Variants in ITSN1 observed in about 807,000 individuals in gnomAD.
The protein encoded by ITSN1 is intersectin 1, also known as intersectin-1.
A neutral mutation model predicts 239.8 loss-of-function variants in ITSN1; 58 were observed. The observed-to-expected ratio is 0.24, with a 90% CI of 0.20 to 0.30. ITSN1 has a LOEUF of 0.30. Ranked by LOEUF, ITSN1 falls within the 10% of genes least tolerant of loss-of-function variation. The probability of loss-of-function intolerance (pLI) is 1.00; values close to 1 mark genes in which losing one functional copy is unlikely to be tolerated. For synonymous variants in ITSN1, 780 were observed against 770.8 expected (o/e 1.01, Z -0.20); for missense variants, 1,558 against 2,103.3 (o/e 0.74, Z 5.07).
intron 1 of ITSN1, among the ~76,000 whole-genome samples, chr21:33,718,291 G>A (rs1487347470): frequency 6.6e-6 from 1 of 152,150 alleles, no homozygotes; most frequent in Non-Finnish European, 1.5e-5. Context: ...GGTAATTATA[G>A]ATGGTTAAGA....
chr21:33,741,138 G>A (rs1173722994), intron 5 of ITSN1, among the ~76,000 whole-genome samples: 2 of 152,132 alleles, frequency 1.3e-5, no homozygotes, highest in Non-Finnish European at 2.9e-5. Flanking sequence ...GTGTCTTGAA[G>A]GTTAACTGGT....
At chr21:33,695,640 G>A (rs1460488858) in intron 1 of ITSN1, among the ~76,000 whole-genome samples, 1 of 152,162 alleles carries the variant, frequency 6.6e-6, no homozygotes, top group Non-Finnish European at 1.5e-5. Context: ...GAGTATAAGT[G>A]GGCCTTTAGA....
chr21:33,825,769 G>A (rs1878257899), intron 25 of ITSN1, among the ~76,000 whole-genome samples: 1 of 152,146 alleles, frequency 6.6e-6, no homozygotes, highest in African/African-American at 2.4e-5. Flanking sequence ...AATAGTGAGA[G>A]ATTGCTTTTG....
chr21:33,654,468 G>A (rs186523287), intron 1 of ITSN1, among the ~76,000 whole-genome samples: 1 of 152,148 alleles, frequency 6.6e-6, no homozygotes, highest in East Asian at 1.9e-4. Context: ...TATGAGACAA[G>A]GTACAAAGCT....
At position 33,769,782 on chromosome 21, in the gene ITSN1, G is replaced by A. The variant is rs374932079; in HGVS notation, c.1042+1954G>A. 7.3e-4 allele frequency among the ~76,000 whole-genome samples: 110 copies of A among 151,228 alleles called. 2 individuals carry two copies. The South Asian group carries it at 8.5e-3, about 12-fold the overall frequency. Reference sequence around the variant, plus strand: ...GTAATCTCGGCTCACTGCAGCCTCCGCCTCCTGGGTTCTAGCGATTCTCCT... The same window carrying A: ...GTAATCTCGGCTCACTGCAGCCTCCACCTCCTGGGTTCTAGCGATTCTCCT... On this transcript the variant is annotated intron_variant, in intron 11 of 39. Coordinates refer to ENST00000381318, the MANE Select transcript of ITSN1 (RefSeq NM_003024.3).
At chr21:33,883,794 A>T in intron 36 of ITSN1, 123 bp downstream of exon 36, 6 of 1,072,378 alleles carry the variant, frequency 5.6e-6, no homozygotes, top group Non-Finnish European at 6.5e-6. Context: ...CCTAGCTGGG[A>T]GTGGGGATGG....
intron 27 of ITSN1, among the ~76,000 whole-genome samples, chr21:33,830,683 A>G (rs972849333): frequency 5.9e-5 from 9 of 152,218 alleles, no homozygotes; most frequent in Non-Finnish European, 1.3e-4. Flanking sequence ...TGTCAAGGAC[A>G]TTTTTGGGAT....
At chr21:33,767,516 C>CA (rs1337289620) in intron 10 of ITSN1, among the ~76,000 whole-genome samples, 197 bp from the exon 11 acceptor site, 1 of 152,198 alleles carries the variant, frequency 6.6e-6, no homozygotes, top group African/African-American at 2.4e-5. Flanking sequence ...GCTTGGCACT[C>CA]AGAGTCTGAT....
chr21:33,730,026 CT>C (rs1569042131), intron 4 of ITSN1, among the ~76,000 whole-genome samples: 1 of 151,886 alleles, frequency 6.6e-6, no homozygotes, highest in African/African-American at 2.4e-5. Context: ...TTGGACTAGG[CT>C]TTTTTTTCTA....
At chr21:33,818,675 A>T (rs577922553) in intron 23 of ITSN1, among the ~76,000 whole-genome samples, 1 of 152,164 alleles carries the variant, frequency 6.6e-6, no homozygotes, top group Non-Finnish European at 1.5e-5. Context: ...ATGAAAACCT[A>T]TGTGCCTTGT....
chr21:33,883,666 T>C lies in ITSN1; in HGVS notation c.4671T>C (p.Asn1557=), dbSNP rs1985298027. The stretch of plus-strand genomic sequence containing the variant: ...ATACTCTCCGAGCAGAAAGCATAAA[T>C]GAAAGGTGAGACCTGCCGCCTCCCC... ...RVYTLRAESI[N]ERTAWVQKIK... Residue 1557 remains asparagine (N), a synonymous_variant, in exon 36 of 40, where the codon AAT becomes AAC. Coordinates refer to ENST00000381318, the MANE Select transcript of ITSN1 (RefSeq NM_003024.3). 3 of 1,613,054 alleles carry C rather than the reference T, an allele frequency of 1.9e-6. No homozygotes were observed. Among genetic ancestry groups the C allele is most frequent in the Non-Finnish European group, 2.5e-6 (3 of 1,179,298 alleles).
chr21:33,721,575 C>A (rs917827018), intron 3 of ITSN1, among the ~76,000 whole-genome samples: 3 of 151,896 alleles, frequency 2.0e-5, no homozygotes, highest in Non-Finnish European at 4.4e-5. Context: ...GTGGGCAGAT[C>A]CCTTGAGGTC....
intron 1 of ITSN1, among the ~76,000 whole-genome samples, chr21:33,666,606 AGTT>A (rs970136483): frequency 6.6e-6 from 1 of 152,188 alleles, no homozygotes. Flanking sequence ...AATATATCGT[AGTT>A]GTTTTATTCT....
rs2092228544 is a variant in ITSN1, at chr21:33,705,744, T to C, written c.-32-13053T>C. ...TTTAACATTTGAAAATTTTGCTTAATCTAAAATATACTCCAGAAGTTTAAA... is the reference window on the plus strand; with the variant it reads ...TTTAACATTTGAAAATTTTGCTTAACCTAAAATATACTCCAGAAGTTTAAA... On this transcript the variant is annotated intron_variant, in intron 1 of 39. Coordinates refer to ENST00000381318, the MANE Select transcript of ITSN1 (RefSeq NM_003024.3). Among the ~76,000 whole-genome samples the C allele has an allele frequency of 1.3e-5, 2 of 152,124 alleles. 1 individual carries two copies. The highest frequency in any genetic ancestry group is 4.1e-4 in the South Asian group (2 of 4,830).
chr21:33,793,618 C>T (rs551177205), intron 16 of ITSN1, among the ~76,000 whole-genome samples: 1 of 152,238 alleles, frequency 6.6e-6, no homozygotes, highest in African/African-American at 2.4e-5. Flanking sequence ...CAGTAGCCTG[C>T]TAAGGAAATT....
intron 1 of ITSN1, among the ~76,000 whole-genome samples, chr21:33,694,000 A>G (rs1216265192): frequency 5.3e-5 from 8 of 152,158 alleles, no homozygotes. Context: ...TTTAATTGTC[A>G]TATATTTCAT....
At position 33,813,927 on chromosome 21, in the gene ITSN1, C is replaced by T. The variant is rs781452040; in HGVS notation, c.2582C>T (p.Thr861Met). 61 of 1,613,374 alleles carry T rather than the reference C, an allele frequency of 3.8e-5. No individual in the cohort carries two copies. In the Middle Eastern group the frequency reaches 6.6e-4, roughly 17 times the overall value. ...ADFSSTWPTS[T>M]NEKPETDNWD... ...TTTCCCTCCAGGTGGCCCACCAGCA[C>T]GAATGAGAAACCAGAAACGGATAAC... is the stretch of plus-strand genomic sequence containing the variant. Residue 861 changes from threonine to methionine, a missense_variant, in exon 22 of 40, where the codon ACG (threonine) becomes ATG (methionine). By Grantham distance (81) the Thr-to-Met change is moderately conservative. This residue lies in a region of ITSN1 where 982 missense variants were observed against 1,209.9 expected (regional missense o/e 0.81). Transcript: ENST00000381318.
chr21:33,700,384 C>G (rs1281326717), intron 1 of ITSN1, among the ~76,000 whole-genome samples: 1 of 152,048 alleles, frequency 6.6e-6, no homozygotes, highest in Non-Finnish European at 1.5e-5. Flanking sequence ...CGCACTTGGC[C>G]CTGAATTGTT....
At position 33,761,996 on chromosome 21, in the gene ITSN1, GA is replaced by G; in HGVS notation, c.788+14del. 6.2e-7 allele frequency: 1 copy of G among 1,604,172 alleles called. No individual in the cohort carries two copies. The highest frequency in any genetic ancestry group is 1.1e-5 in the South Asian group (1 of 90,842). ...AGCTGGCTTCAATATGGTAAGGAATGAAAAGTTCTTTGGTTTGGATAAAGTG... is the reference window on the plus strand; with the variant it reads ...AGCTGGCTTCAATATGGTAAGGAATGAAAGTTCTTTGGTTTGGATAAAGTG... On this transcript the variant is annotated intron_variant, in intron 9 of 39. Transcript: ENST00000381318.
Sources: allele counts gnomAD v4.1 joint callset (sites outside exome capture counted in the v4.1 genomes callset), GRCh38; gene constraint gnomAD v4.1.1; regional missense constraint gnomAD v4.1.1; transcripts MANE v1.5; gene names NCBI Gene and HGNC (gene_info 2026-07-23, HGNC 2026-07-21).